Variants in VPS8 observed in about 807,000 individuals in gnomAD.
VPS8 encodes vacuolar protein sorting-associated protein 8 homolog.
In VPS8, 129 loss-of-function variants were observed where a neutral mutation model predicts 216.4. The observed-to-expected ratio is 0.60, with a 90% confidence interval of 0.52 to 0.69. The LOEUF (loss-of-function observed/expected upper bound fraction) is 0.69, where lower values mean the gene tolerates loss of function less well. VPS8 is among the 30% of genes least tolerant of loss of function. The pLI, the probability that VPS8 is intolerant of heterozygous loss-of-function variation, is 0.00. For missense variants in VPS8, 1,531 were observed against 1,683.5 expected (o/e 0.91, Z 1.59); for synonymous variants, 571 against 565.4 (o/e 1.01, Z -0.14).
intron 44 of VPS8, 143 bp from the exon 45 acceptor site, chr3:184,999,553 C>G: frequency 4.2e-6 from 4 of 962,724 alleles, no homozygotes; most frequent in Non-Finnish European, 6.0e-6. Context: ...CAAGTACATT[C>G]CCTTTCTTGT....
chr3:184,938,835 C>G (rs1261642413), intron 35 of VPS8, among the ~76,000 whole-genome samples: 3 of 151,500 alleles, frequency 2.0e-5, no homozygotes, highest in Admixed American at 2.0e-4. Context: ...CAAGACCAGC[C>G]TGGGCAACAT....
Position 184,832,685 on chromosome 3 carries a change from T to G in VPS8, c.223-4T>G, listed in dbSNP as rs988744389. 1 of 1,595,432 alleles carries G rather than the reference T, an allele frequency of 6.3e-7. No homozygotes were observed. The highest frequency in any genetic ancestry group is 1.1e-5 in the South Asian group (1 of 89,284). ...ATGTATTGATTTATCTTCTTCCAAT[T>G]TAGACTGATGATGAAGATGAGTCTT... On this transcript the variant is annotated splice_region_variant and splice_polypyrimidine_tract_variant and intron_variant, in intron 3 of 47. Transcript: ENST00000625842.
At chr3:185,034,507 T>C (rs1381349249) in intron 46 of VPS8, among the ~76,000 whole-genome samples, 1 of 152,168 alleles carries the variant, frequency 6.6e-6, no homozygotes, top group Non-Finnish European at 1.5e-5. Flanking sequence ...TTGCTTATTG[T>C]TTTAACTCCC....
At chr3:184,840,003 T>A in intron 7 of VPS8, 2 of 895,740 alleles carry the variant, frequency 2.2e-6, no homozygotes, top group Non-Finnish European at 2.8e-6. Context: ...TCTGCAAACC[T>A]AGACAAAAAG....
chr3:185,047,221 C>T (rs1171870391), intron 46 of VPS8, among the ~76,000 whole-genome samples: 1 of 152,218 alleles, frequency 6.6e-6, no homozygotes, highest in African/African-American at 2.4e-5. Context: ...TACCTGCGGG[C>T]CTTCCTGTGC....
intron 46 of VPS8, 90 bp downstream of exon 46, chr3:185,024,479 T>A: frequency 7.5e-7 from 1 of 1,331,020 alleles, no homozygotes; most frequent in Non-Finnish European, 1.1e-6. Context: ...GGCAATGATT[T>A]TTAATCATCT....
intron 14 of VPS8, among the ~76,000 whole-genome samples, chr3:184,857,157 T>C (rs1725414939): frequency 6.6e-6 from 1 of 152,248 alleles, no homozygotes; most frequent in Admixed American, 6.5e-5. Context: ...AAATATTCAG[T>C]AAATGTTTAT....
chr3:184,870,585 T>G (rs950882909), intron 20 of VPS8, 131 bp from the exon 21 acceptor site: 3 of 708,596 alleles, frequency 4.2e-6, no homozygotes, highest in Non-Finnish European at 6.9e-6. Flanking sequence ...AGTTGGTAAA[T>G]AAAGCCACTA....
At chr3:184,820,008 A>G (rs1214562254) in intron 1 of VPS8, among the ~76,000 whole-genome samples, 3 of 152,138 alleles carry the variant, frequency 2.0e-5, no homozygotes, top group African/African-American at 7.2e-5. Context: ...GAGGAGGAGG[A>G]GGAGGGGTTG....
At chr3:184,907,483 A>T (rs900263823) in intron 25 of VPS8, among the ~76,000 whole-genome samples, 3 of 152,216 alleles carry the variant, frequency 2.0e-5, no homozygotes, top group Non-Finnish European at 2.9e-5. Context: ...GCCTGACATT[A>T]GTTCCCAGCT....
At chr3:184,893,424 TCA>T (rs1732748422) in intron 22 of VPS8, 2 of 967,216 alleles carry the variant, frequency 2.1e-6, no homozygotes, top group Non-Finnish European at 2.6e-6. Context: ...TAAATAAAAT[TCA>T]CACAGTTTTT....
At chr3:185,023,056 C>T (rs1328014639) in intron 45 of VPS8, among the ~76,000 whole-genome samples, 1 of 152,170 alleles carries the variant, frequency 6.6e-6, no homozygotes, top group Non-Finnish European at 1.5e-5. Flanking sequence ...TGTATACACT[C>T]ATGAATCTGT....
chr3:184,914,920 A>G (rs1737248870), intron 26 of VPS8, 61 bp from the exon 27 acceptor site: 2 of 1,468,720 alleles, frequency 1.4e-6, no homozygotes, highest in African/African-American at 2.8e-5. Context: ...ACAATGTGTT[A>G]CTCGCTTGAA....
intron 1 of VPS8, among the ~76,000 whole-genome samples, chr3:184,820,296 A>G (rs564352801): frequency 6.6e-6 from 1 of 152,228 alleles, no homozygotes; most frequent in South Asian, 2.1e-4. Flanking sequence ...CGCAGCTTCT[A>G]GAGGCTGCCT....
rs74360721 is a variant in VPS8 at position 185,039,528 on chromosome 3, G to T, written c.4057-8951G>T. 1.0e-3 allele frequency among the ~76,000 whole-genome samples: 148 copies of T among 146,970 alleles called. 1 individual carries two copies. In the East Asian group the frequency reaches 0.023, roughly 23 times the overall value. On this transcript the variant is annotated intron_variant, in intron 46 of 47. Coordinates refer to ENST00000625842, the MANE Select transcript of VPS8 (RefSeq NM_001009921.3). ...GAAGCCAACGCTATGACACTGTGGG[G>T]TTTTTTTTTTGGAAAAGAAATGCTT...
chr3:184,833,334 A>T (rs906763258), intron 4 of VPS8, among the ~76,000 whole-genome samples: 1 of 152,162 alleles, frequency 6.6e-6, no homozygotes, highest in Non-Finnish European at 1.5e-5. Flanking sequence ...AAGGAAAGAG[A>T]ATTGGAGGAA....
chr3:184,812,192 C>A lies in VPS8; in HGVS notation c.-122C>A, dbSNP rs570765726. ...GAGCAGTGGGTGCGGTCACGTGGGC[C>A]GGCGGTCCACGGCCGGAATGGCAGC... On this transcript the variant is annotated 5_prime_UTR_variant, in exon 1 of 48. Coordinates refer to ENST00000625842, the MANE Select transcript of VPS8 (RefSeq NM_001009921.3). 3 of 152,378 alleles carry A rather than the reference C, an allele frequency of 2.0e-5. No homozygotes were observed. The highest frequency in any genetic ancestry group is 7.2e-5 in the African/African-American group (3 of 41,456). 9.4% of individuals were successfully genotyped at this position (152,378 alleles called of 1,614,324 possible).
chr3:184,868,071 G>C lies in VPS8; in HGVS notation c.1506+12G>C. ...GGAGCTGGAGAGAGGTGAGTTCCAA[G>C]TAATTTCACATGTCAGAGTTACTGA... On this transcript the variant is annotated intron_variant, in intron 18 of 47. Transcript: ENST00000625842. The C allele has an allele frequency of 6.2e-7, 1 of 1,612,560 alleles. No homozygotes were observed. The highest frequency in any genetic ancestry group is 8.5e-7 in the Non-Finnish European group (1 of 1,179,478).
intron 36 of VPS8, among the ~76,000 whole-genome samples, chr3:184,954,699 C>A (rs983197244): frequency 3.3e-5 from 5 of 152,088 alleles, no homozygotes; most frequent in African/African-American, 1.2e-4. Flanking sequence ...AGCCCTAGTC[C>A]CTGTAGTTTT....
Sources: gnomAD v4.1 joint callset for allele counts (sites outside exome capture counted in the v4.1 genomes callset) on GRCh38, gnomAD v4.1.1 for gene constraint, MANE v1.5 for transcripts, NCBI Gene and HGNC (gene_info 2026-07-23, HGNC 2026-07-21) for gene names.